Variants in ZNF618 observed in about 807,000 individuals in gnomAD.
ZNF618 encodes the protein neural precursor cell expressed, developmentally down-regulated 10.
Under a neutral mutation model 103.0 loss-of-function variants are expected in ZNF618, and 34 were observed. The ratio of observed to expected loss-of-function variants is 0.33; its 90% CI spans 0.25 to 0.44. The LOEUF (loss-of-function observed/expected upper bound fraction) is 0.44, where lower values mean the gene tolerates loss of function less well. Ranked by LOEUF, ZNF618 falls within the 20% of genes least tolerant of loss-of-function variation. The pLI, the probability that ZNF618 is intolerant of heterozygous loss-of-function variation, is 1.00. For missense variants in ZNF618, 1,059 were observed against 1,295.4 expected (o/e 0.82, Z 2.80); for synonymous variants, 551 against 542.2 (o/e 1.02, Z -0.23).
intron 12 of ZNF618, chr9:114,035,148 C>G: frequency 1.0e-6 from 1 of 984,380 alleles, no homozygotes; most frequent in African/African-American, 1.7e-5. Flanking sequence ...CAGCACAGAA[C>G]AGCAGAACTA....
intron 1 of ZNF618, among the ~76,000 whole-genome samples, chr9:113,902,585 T>G (rs1830661170): frequency 2.0e-5 from 3 of 152,220 alleles, no homozygotes; most frequent in African/African-American, 7.2e-5. Flanking sequence ...CTTTAAAAAT[T>G]TACATAAATA....
chr9:114,011,978 T>TA (rs1272851064), intron 9 of ZNF618, among the ~76,000 whole-genome samples: 3 of 151,930 alleles, frequency 2.0e-5, no homozygotes. Context: ...ATGTATGGGT[T>TA]ACTTGATTTT....
chr9:113,987,398 C>T (rs1839586966), intron 2 of ZNF618, among the ~76,000 whole-genome samples: 2 of 152,182 alleles, frequency 1.3e-5, no homozygotes, highest in African/African-American at 4.8e-5. Context: ...GTGACCCACG[C>T]CCTGCCCTCT....
At chr9:113,915,893 G>A (rs1832025538) in intron 1 of ZNF618, among the ~76,000 whole-genome samples, 1 of 152,206 alleles carries the variant, frequency 6.6e-6, no homozygotes, top group South Asian at 2.1e-4. Flanking sequence ...TCATTACTAT[G>A]TCCTCTGTTC....
intron 2 of ZNF618, among the ~76,000 whole-genome samples, chr9:113,986,799 A>T (rs1047317232): frequency 4.6e-5 from 7 of 152,070 alleles, no homozygotes; most frequent in African/African-American, 1.7e-4. Flanking sequence ...TCCCCTCTCT[A>T]TCTTTGCTCA....
chr9:114,007,524 T>A, intron 7 of ZNF618, 85 bp downstream of exon 7: 1 of 1,307,752 alleles, frequency 7.6e-7, no homozygotes, highest in Middle Eastern at 2.3e-4. Context: ...CCCGCCTCCC[T>A]CCTCCCTCTT....
intron 1 of ZNF618, among the ~76,000 whole-genome samples, chr9:113,940,860 A>G (rs569576271): frequency 4.6e-5 from 7 of 152,026 alleles, no homozygotes; most frequent in Admixed American, 2.0e-4. Flanking sequence ...GTGCCCCCCA[A>G]TTTGTGATAT....
chr9:113,920,017 G>A (rs1400817354), intron 1 of ZNF618, among the ~76,000 whole-genome samples: 3 of 152,196 alleles, frequency 2.0e-5, no homozygotes, highest in Non-Finnish European at 1.5e-5. Context: ...CACCTGGTTG[G>A]ACCTTTGAAC....
At position 113,969,130 on chromosome 9, in the gene ZNF618, G is replaced by A; in HGVS notation, c.47G>A (p.Ser16Asn). The change falls in exon 2 of 15, where the codon AGT becomes AAT. Residue 16 changes from serine (S) to asparagine (N), a missense_variant. By Grantham distance (46) the Ser-to-Asn change is conservative. Around this residue, in one of 6 missense-constraint regions of ZNF618, gnomAD observed 194 missense variants for 209.0 expected, o/e 0.93. Transcript: ENST00000374126. ...GAAAPQADGA[S>N]AAGRKSTASR... The stretch of plus-strand genomic sequence containing the variant: ...TTTCTTTTGCAGGCTGACGGAGCCA[G>A]TGCAGCCGGAAGGAAAAGCACTGCG... The A allele has an allele frequency of 6.2e-7, 1 of 1,614,022 alleles. No individual in the cohort carries two copies. Among genetic ancestry groups the A allele is most frequent in the South Asian group, 1.1e-5 (1 of 91,068 alleles).
intron 13 of ZNF618, among the ~76,000 whole-genome samples, chr9:114,041,561 C>A (rs996694635): frequency 6.6e-6 from 1 of 152,182 alleles, no homozygotes; most frequent in African/African-American, 2.4e-5. Flanking sequence ...AGCCAGTTTT[C>A]CCAGCACCAT....
chr9:114,017,678 G>A (rs1041454065), intron 10 of ZNF618, among the ~76,000 whole-genome samples: 2 of 152,138 alleles, frequency 1.3e-5, no homozygotes, highest in Admixed American at 6.5e-5. Context: ...GCAGAGCTGT[G>A]GGGATCCCTC....
chr9:113,887,428 C>T (rs1829183657), intron 1 of ZNF618, among the ~76,000 whole-genome samples: 1 of 152,212 alleles, frequency 6.6e-6, no homozygotes, highest in African/African-American at 2.4e-5. Context: ...CTGACAATTT[C>T]TCTGCCTACC....
chr9:114,039,187 G>A (rs1002692272), intron 13 of ZNF618, among the ~76,000 whole-genome samples: 1 of 152,134 alleles, frequency 6.6e-6, no homozygotes, highest in African/African-American at 2.4e-5. Flanking sequence ...CCCTCTCAGA[G>A]GTCATCTCTT....
chr9:113,933,342 G>T (rs569530424), intron 1 of ZNF618, among the ~76,000 whole-genome samples: 1 of 152,296 alleles, frequency 6.6e-6, no homozygotes, highest in East Asian at 1.9e-4. Context: ...GCCTCTGGTC[G>T]GGAAGGGAAA....
At chr9:113,940,159 A>G (rs1225345107) in intron 1 of ZNF618, among the ~76,000 whole-genome samples, 1 of 151,484 alleles carries the variant, frequency 6.6e-6, no homozygotes, top group Admixed American at 6.6e-5. Context: ...CCTTTAGGTT[A>G]CATTTCCAAG....
At chr9:113,885,940 G>T (rs760292436) in intron 1 of ZNF618, among the ~76,000 whole-genome samples, 16 of 152,336 alleles carry the variant, frequency 1.1e-4, no homozygotes, top group Middle Eastern at 3.4e-3. Context: ...GGAGTCAGGT[G>T]ATGCTTGGCC....
Position 114,032,657 on chromosome 9 carries a change from T to C in ZNF618, c.1097T>C (p.Phe366Ser). The C allele has an allele frequency of 6.2e-7, 1 of 1,613,996 alleles. No individual in the cohort carries two copies. Among genetic ancestry groups the C allele is most frequent in the Non-Finnish European group, 8.5e-7 (1 of 1,179,864 alleles). Reference sequence around the variant, plus strand: ...GTCCCCCACCCAGCAGAAAGCGCTTTCAGTCGGAGAGTAGAAGGCAAAGCA... The same window carrying C: ...GTCCCCCACCCAGCAGAAAGCGCTTCCAGTCGGAGAGTAGAAGGCAAAGCA... ...ASKATAAESA[F>S]SRRVEGKAQN... Residue 366 changes from phenylalanine (F) to serine (S), a missense_variant, in exon 12 of 15, where the codon TTC (phenylalanine) becomes TCC (serine). Transcript: ENST00000374126.
intron 1 of ZNF618, among the ~76,000 whole-genome samples, chr9:113,951,576 T>C (rs1472571372): frequency 0.012 from 724 of 62,072 alleles, 31 homozygotes; most frequent in African/African-American, 0.034. Context: ...TGTGTGTGTA[T>C]ATGTGTGTGT....
intron 2 of ZNF618, among the ~76,000 whole-genome samples, chr9:113,972,438 A>G (rs1838060007): frequency 6.6e-6 from 1 of 152,192 alleles, no homozygotes; most frequent in South Asian, 2.1e-4. Flanking sequence ...AAGCTGAGGC[A>G]CAGAGAGGTT....
Sources: gnomAD v4.1 joint callset for allele counts (sites outside exome capture counted in the v4.1 genomes callset) on GRCh38, gnomAD v4.1.1 for gene constraint, gnomAD v4.1.1 regional missense constraint, MANE v1.5 for transcripts, NCBI Gene and HGNC (gene_info 2026-07-23, HGNC 2026-07-21) for gene names.